Variants in ACACA observed in about 807,000 individuals in gnomAD.
ACACA encodes the protein acetyl-CoA carboxylase alpha.
In ACACA, 103 loss-of-function variants were observed where a neutral mutation model predicts 296.1. That is an observed-to-expected ratio of 0.35 (90% CI 0.30 to 0.41). The LOEUF (loss-of-function observed/expected upper bound fraction) is 0.41. Among genes scored for constraint, ACACA ranks in the 10% least tolerant of loss-of-function variants. ACACA has a pLI of 1.00. For missense variants in ACACA, 1,554 were observed against 2,989.7 expected, an observed-to-expected ratio of 0.52 and a Z score of 11.20; for synonymous variants, 953 against 1,038.6, an observed-to-expected ratio of 0.92 and a Z score of 1.58.
intron 10 of ACACA, among the ~76,000 whole-genome samples, chr17:37,265,998 T>C (rs1347311252): frequency 6.6e-6 from 1 of 152,210 alleles, no homozygotes; most frequent in East Asian, 1.9e-4. Flanking sequence ...TTGACAACTT[T>C]GTGGGTTTCC....
At chr17:37,250,944 G>A (rs995101047) in intron 16 of ACACA, among the ~76,000 whole-genome samples, 4 of 151,378 alleles carry the variant, frequency 2.6e-5, no homozygotes, top group Non-Finnish European at 5.9e-5. Flanking sequence ...GGAGAATGGC[G>A]TGAACCCGAG....
chr17:37,400,780 C>CT (rs1329704033), intron 1 of ACACA, among the ~76,000 whole-genome samples: 3 of 151,546 alleles, frequency 2.0e-5, no homozygotes, highest in Non-Finnish European at 4.4e-5. Flanking sequence ...CTCACATTTT[C>CT]TTTATTCATT....
intron 43 of ACACA, among the ~76,000 whole-genome samples, chr17:37,154,565 C>T (rs1382535228): frequency 6.6e-6 from 1 of 151,842 alleles, no homozygotes; most frequent in Non-Finnish European, 1.5e-5. Flanking sequence ...GGTGTCATCT[C>T]GGCTCACTGC....
chr17:37,174,020 A>ATATATATATATATATATTTTTTTT (rs552735515), intron 41 of ACACA, among the ~76,000 whole-genome samples: 1 of 16,794 alleles, frequency 6.0e-5, no homozygotes, highest in African/African-American at 2.6e-4. Context: ...ATATATATAT[A>ATATATATATATATATATTTTTTTT]TTTTTTTTTT....
chr17:37,144,566 G>A (rs111906268), intron 45 of ACACA: 5,034 of 162,308 alleles, frequency 0.031, 228 homozygotes, highest in African/African-American at 0.1. Context: ...AGGAACTCTG[G>A]TACTGTGCCT....
At chr17:37,122,510 A>C in intron 49 of ACACA, 21 bp downstream of exon 49, 1 of 1,591,942 alleles carries the variant, frequency 6.3e-7, no homozygotes, top group Non-Finnish European at 8.6e-7. Context: ...CACAGCCCCC[A>C]GTGTACTTGA....
At chr17:37,268,949 G>A (rs191399286) in intron 10 of ACACA, among the ~76,000 whole-genome samples, 1 of 148,938 alleles carries the variant, frequency 6.7e-6, no homozygotes, top group East Asian at 2.0e-4. Flanking sequence ...TAATTAACAT[G>A]CCTTTTTTTT....
intron 3 of ACACA, among the ~76,000 whole-genome samples, chr17:37,309,963 G>A (rs1476055364): frequency 6.6e-6 from 1 of 152,068 alleles, no homozygotes; most frequent in African/African-American, 2.4e-5. Context: ...TGAGGCTTGA[G>A]CCCAGAAGCT....
intron 35 of ACACA, among the ~76,000 whole-genome samples, chr17:37,198,533 A>G (rs1198175415): frequency 1.3e-5 from 2 of 152,174 alleles, no homozygotes; most frequent in Non-Finnish European, 2.9e-5. Flanking sequence ...CCAAAGTATC[A>G]ATTTTATTCT....
chr17:37,396,255 G>A (rs1299029062), intron 1 of ACACA, among the ~76,000 whole-genome samples: 1 of 150,840 alleles, frequency 6.6e-6, no homozygotes, highest in African/African-American at 2.4e-5. Context: ...CAGGAGAATC[G>A]CTTGAACCCA....
At chr17:37,318,173 T>A (rs557853709) in intron 3 of ACACA, among the ~76,000 whole-genome samples, 1 of 152,184 alleles carries the variant, frequency 6.6e-6, no homozygotes, top group African/African-American at 2.4e-5. Flanking sequence ...TTATTTCCCA[T>A]GTCAAAGCTT....
At chr17:37,148,521 TTTTCCTA>T (rs1483143054) in intron 45 of ACACA, among the ~76,000 whole-genome samples, 2 of 152,202 alleles carry the variant, frequency 1.3e-5, no homozygotes, top group Admixed American at 1.3e-4. Flanking sequence ...ATTATCAACT[TTTTCCTA>T]AATGGGAATG....
intron 1 of ACACA, among the ~76,000 whole-genome samples, chr17:37,398,183 T>A (rs2051144371): frequency 7.4e-6 from 1 of 134,432 alleles, no homozygotes; most frequent in African/African-American, 2.8e-5. Context: ...TGAGCCGAGA[T>A]CGCACCACTG....
At chr17:37,384,991 T>C (rs1278840106) in intron 1 of ACACA, among the ~76,000 whole-genome samples, 1 of 152,226 alleles carries the variant, frequency 6.6e-6, no homozygotes, top group Non-Finnish European at 1.5e-5. Context: ...ATTAGGTCAA[T>C]TCTGGAGACG....
At chr17:37,177,248 A>G (rs1221132773) in intron 41 of ACACA, among the ~76,000 whole-genome samples, 3 of 148,888 alleles carry the variant, frequency 2.0e-5, no homozygotes, top group African/African-American at 7.5e-5. Context: ...GTTAAAAAAA[A>G]CCTTTAATTT....
chr17:37,222,031 T>C (rs2079318284), intron 28 of ACACA, 189 bp from the exon 29 acceptor site: 4 of 607,770 alleles, frequency 6.6e-6, no homozygotes, highest in Admixed American at 5.6e-5. Flanking sequence ...ACTATAACCA[T>C]GACTACTAAT....
rs532398402 is a variant in ACACA, at chr17:37,405,499, T to C, written c.38+763A>G. ...ATGCATAGGAAAATGTCTGGAAGGG[T>C]ACATACCAAAATGTTAATTATTTAT... is the stretch of plus-strand genomic sequence containing the variant. On this transcript the variant is annotated intron_variant, in intron 1 of 55. Coordinates refer to ENST00000616317, the MANE Select transcript of ACACA (RefSeq NM_198834.3). Among the ~76,000 whole-genome samples, 103 of 152,294 alleles carry C rather than the reference T, an allele frequency of 6.8e-4. No individual in the cohort carries two copies. The South Asian group carries it at 0.021, about 31-fold the overall frequency.
intron 1 of ACACA, chr17:37,365,488 T>C: frequency 5.1e-6 from 5 of 985,442 alleles, no homozygotes; most frequent in Non-Finnish European, 6.0e-6. Context: ...CGTCTTCACG[T>C]TGTCTCTGAG....
At chr17:37,178,910 C>T (rs541582849) in intron 41 of ACACA, among the ~76,000 whole-genome samples, 3 of 152,114 alleles carry the variant, frequency 2.0e-5, no homozygotes, top group South Asian at 2.1e-4. Flanking sequence ...GATCAACTCA[C>T]GACCAACCCT....
Sources: allele counts gnomAD v4.1 joint callset (sites outside exome capture counted in the v4.1 genomes callset), GRCh38; gene constraint gnomAD v4.1.1; transcripts MANE v1.5; gene names NCBI Gene and HGNC (gene_info 2026-07-23, HGNC 2026-07-21).